Variants in USP31 observed in about 807,000 individuals in gnomAD.
USP31 encodes ubiquitin specific peptidase 31.
A neutral mutation model predicts 119.4 loss-of-function variants in USP31; 44 were observed. That is an observed-to-expected ratio of 0.37 (90% CI 0.29 to 0.47). The LOEUF is 0.47. USP31 is among the 20% of genes least tolerant of loss of function. USP31 has a pLI of 0.99. For missense variants in USP31, 1,643 were observed against 1,730.2 expected, an observed-to-expected ratio of 0.95 and a Z score of 0.89; for synonymous variants, 749 against 705.6, an observed-to-expected ratio of 1.06 and a Z score of -0.97.
Position 23,105,494 on chromosome 16 carries a change from C to A in USP31, c.1036G>T (p.Val346Phe), listed in dbSNP as rs758732959. Reference sequence around the variant, plus strand: ...GACACTGCTTCCCGAAGTCTGGCGACAGTCCCAGACAGAGGTACGGCCACA... The same window carrying A: ...GACACTGCTTCCCGAAGTCTGGCGAAAGTCCCAGACAGAGGTACGGCCACA... ...IGVAVPLSGT[V>F]ARLREAVSME... The change falls in exon 5 of 16, where the codon GTC (valine) becomes TTC (phenylalanine). Residue 346 changes from valine to phenylalanine, a missense_variant. Physicochemically the swap from Val to Phe is conservative, Grantham distance 50 (BLOSUM62 -1). This residue lies in a region of USP31 where 144 missense variants were observed against 218.0 expected (regional missense o/e 0.66). Transcript: ENST00000219689. 1 of 1,614,140 alleles carries A rather than the reference C, an allele frequency of 6.2e-7. No homozygotes were observed. The highest frequency in any genetic ancestry group is 8.5e-7 in the Non-Finnish European group (1 of 1,180,022).
intron 6 of USP31, among the ~76,000 whole-genome samples, chr16:23,101,784 C>T (rs1038903861): frequency 6.6e-6 from 1 of 151,958 alleles, no homozygotes; most frequent in Non-Finnish European, 1.5e-5. Flanking sequence ...ACTCCAGGCA[C>T]AGTGGGGAGA....
At position 23,149,342 on chromosome 16, in the gene USP31, T is replaced by G; in HGVS notation, c.-72A>C. 1 of 997,244 alleles carries G rather than the reference T, an allele frequency of 1.0e-6. No individual in the cohort carries two copies. The highest frequency in any genetic ancestry group is 4.6e-5 in the South Asian group (1 of 21,874). 61.8% of individuals were successfully genotyped at this position (997,244 alleles called of 1,614,324 possible). A position where few individuals can be genotyped will look rare whatever the true frequency, so the allele number is the denominator to read the frequency against. Reference sequence around the variant, plus strand: ...CGGCCCCGCCACGGCCGCCGCCGCATCCCGCAGCGCCGCGCCTCACCGGGC... The same window carrying G: ...CGGCCCCGCCACGGCCGCCGCCGCAGCCCGCAGCGCCGCGCCTCACCGGGC... On this transcript the variant is annotated 5_prime_UTR_variant, in exon 1 of 16. It removes an upstream start codon present in the reference 5' UTR. Transcript: ENST00000219689.
chr16:23,090,316 G>A (rs1378227803), intron 7 of USP31, among the ~76,000 whole-genome samples: 2 of 152,060 alleles, frequency 1.3e-5, no homozygotes, highest in Non-Finnish European at 1.5e-5. Context: ...AACCTGGGAG[G>A]CAGAGGTTGC....
chr16:23,121,492 G>T (rs1902668004), intron 1 of USP31, among the ~76,000 whole-genome samples: 1 of 152,182 alleles, frequency 6.6e-6, no homozygotes, highest in Admixed American at 6.5e-5. Context: ...ATTCTAGTCA[G>T]TTCAGGCCTT....
At position 23,069,217 on chromosome 16, in the gene USP31, A is replaced by G. The variant is rs143157517; in HGVS notation, c.2888T>C (p.Val963Ala). ...TGCTGAATGTTTGCTCTGTGTATCT[A>G]CGACACTGGAGTTCAATCTGCGGGT... is the stretch of plus-strand genomic sequence containing the variant. ...SDTRRLNSSV[V>A]DTQSKHSAQG... is the part of the protein sequence containing the mutation. The change falls in exon 16 of 16, where the codon GTA becomes GCA. Residue 963 changes from valine to alanine, a missense_variant. Val to Ala is a moderately conservative substitution (Grantham distance 64, BLOSUM62 0). Transcript: ENST00000219689. 637 of 1,614,214 alleles carry G rather than the reference A, an allele frequency of 3.9e-4. 1 individual carries two copies. The highest frequency in any genetic ancestry group is 4.9e-4 in the Non-Finnish European group (580 of 1,180,040).
rs761022449 is a variant in USP31, at chr16:23,149,025, G to A, written c.246C>T (p.Gly82=). The part of the protein sequence containing the change: ...LSTLSHLSSE[G]AAPDRGGLRS... ...GGAGGCCGCCGCGGTCTGGGGCGGC[G>A]CCCTCAGAGCTAAGGTGCGAGAGCG... The change falls in exon 1 of 16, where the codon GGC becomes GGT. Residue 82 remains glycine (G), a synonymous_variant. Coordinates refer to ENST00000219689, the MANE Select transcript of USP31 (RefSeq NM_020718.4). The A allele has an allele frequency of 7.7e-6, 9 of 1,171,284 alleles. No homozygotes were observed. Among genetic ancestry groups the A allele is most frequent in the Middle Eastern group, 3.3e-4 (1 of 3,038 alleles). The allele number at this position is 1,171,284 out of a possible 1,614,324, so 72.6% of individuals were successfully genotyped here. A position where few individuals can be genotyped will look rare whatever the true frequency, so the allele number is the denominator to read the frequency against.
chr16:23,096,487 C>A (rs1290509363), intron 6 of USP31, among the ~76,000 whole-genome samples: 2 of 152,106 alleles, frequency 1.3e-5, no homozygotes, highest in Non-Finnish European at 2.9e-5. Context: ...CTGCACCAAG[C>A]AGACCTAATA....
chr16:23,087,065 G>T, intron 9 of USP31, 27 bp downstream of exon 9: 1 of 1,555,194 alleles, frequency 6.4e-7, no homozygotes, highest in East Asian at 2.3e-5. Context: ...GATTCTAAAA[G>T]GTAATTTAAA....
chr16:23,105,399 C>T (rs1902053144), intron 5 of USP31, 42 bp downstream of exon 5: 3 of 1,512,482 alleles, frequency 2.0e-6, no homozygotes, highest in Non-Finnish European at 2.7e-6. Flanking sequence ...GAAAGCAATA[C>T]TTTTGTGGCT....
intron 1 of USP31, among the ~76,000 whole-genome samples, chr16:23,128,776 C>T (rs1159790377): frequency 2.0e-5 from 3 of 152,002 alleles, no homozygotes; most frequent in Non-Finnish European, 4.4e-5. Context: ...TTTATAACAC[C>T]ACGACAGAAA....
At position 23,072,035 on chromosome 16, in the gene USP31, C is replaced by T; in HGVS notation, c.2488+10G>A. On this transcript the variant is annotated intron_variant, in intron 15 of 15. Coordinates refer to ENST00000219689, the MANE Select transcript of USP31 (RefSeq NM_020718.4). ...CATTCTGGAAATTTGTCACCAAAAC[C>T]CACACCCACCATCATCTTCACTCCT... The T allele has an allele frequency of 6.2e-7, 1 of 1,605,706 alleles. No individual in the cohort carries two copies. The highest frequency in any genetic ancestry group is 8.5e-7 in the Non-Finnish European group (1 of 1,174,652).
At position 23,065,322 on chromosome 16, in the gene USP31, T is replaced by TAAAAAAAAAAAAAA. The variant is rs575145264; in HGVS notation, c.*2710_*2723dup. The TAAAAAAAAAAAAAA allele has an allele frequency of 9.2e-6, 1 of 108,850 alleles. No individual in the cohort carries two copies. Among genetic ancestry groups the TAAAAAAAAAAAAAA allele is most frequent in the Non-Finnish European group, 2.0e-5 (1 of 51,044 alleles). 6.7% of individuals were successfully genotyped at this position (108,850 alleles called of 1,614,324 possible). A position where few individuals can be genotyped will look rare whatever the true frequency, so the allele number is the denominator to read the frequency against. ...TTGTGCTAAATATTGCTGGGAAAAT[T>TAAAAAAAAAAAAAA]AAAAAAAAAAAAAAAAAGAAAAGAA... is the stretch of plus-strand genomic sequence containing the variant. On this transcript the variant is annotated 3_prime_UTR_variant, in exon 16 of 16. Transcript: ENST00000219689.
rs907896208 is a variant in USP31 at position 23,069,221 on chromosome 16, C to T, written c.2884G>A (p.Val962Ile). ...ESDTRRLNSSVVDTQSKHSAQ... is the reference protein window; with the variant it reads ...ESDTRRLNSSIVDTQSKHSAQ... The stretch of plus-strand genomic sequence containing the variant: ...GAATGTTTGCTCTGTGTATCTACGA[C>T]ACTGGAGTTCAATCTGCGGGTGTCC... Residue 962 changes from valine (V) to isoleucine (I), a missense_variant, in exon 16 of 16, where the codon GTC becomes ATC. This residue lies in a region of USP31 where 699 missense variants were observed against 650.9 expected (regional missense o/e 1.07). Transcript: ENST00000219689. The T allele has an allele frequency of 1.9e-6, 3 of 1,614,250 alleles. No homozygotes were observed. The highest frequency in any genetic ancestry group is 2.5e-6 in the Non-Finnish European group (3 of 1,180,050).
intron 7 of USP31, among the ~76,000 whole-genome samples, chr16:23,088,434 G>A (rs953262841): frequency 9.9e-5 from 15 of 152,154 alleles, no homozygotes; most frequent in Admixed American, 9.2e-4. Context: ...AATCAGTCTG[G>A]AATATGATCT....
intron 6 of USP31, among the ~76,000 whole-genome samples, chr16:23,098,083 C>G (rs1295819099): frequency 6.6e-6 from 1 of 152,180 alleles, no homozygotes; most frequent in African/African-American, 2.4e-5. Context: ...CCCATCGTCT[C>G]AGCCCAAAAT....
At chr16:23,141,169 C>G (rs1903340818) in intron 1 of USP31, among the ~76,000 whole-genome samples, 1 of 152,224 alleles carries the variant, frequency 6.6e-6, no homozygotes, top group South Asian at 2.1e-4. Context: ...ACAAGGCAGA[C>G]TCGGCCTCTG....
chr16:23,127,798 T>C (rs1204654928), intron 1 of USP31, among the ~76,000 whole-genome samples: 1 of 152,118 alleles, frequency 6.6e-6, no homozygotes, highest in Non-Finnish European at 1.5e-5. Context: ...ATATTAACTA[T>C]ATATCCAGTG....
chr16:23,066,219 A>G lies in USP31; in HGVS notation c.*1827T>C, dbSNP rs1272495097. On this transcript the variant is annotated 3_prime_UTR_variant, in exon 16 of 16. Coordinates refer to ENST00000219689, the MANE Select transcript of USP31 (RefSeq NM_020718.4). Reference sequence around the variant, plus strand: ...ACAACAGGCTCACAGTCAATGAATCACATGGAGCACTGTGGTAACTTTCAC... The same window carrying G: ...ACAACAGGCTCACAGTCAATGAATCGCATGGAGCACTGTGGTAACTTTCAC... The G allele has an allele frequency of 6.6e-6, 1 of 152,600 alleles. No homozygotes were observed. The highest frequency in any genetic ancestry group is 2.1e-4 in the South Asian group (1 of 4,832). 9.5% of individuals were successfully genotyped at this position (152,600 alleles called of 1,614,324 possible). A position where few individuals can be genotyped will look rare whatever the true frequency, so the allele number is the denominator to read the frequency against.
chr16:23,093,775 A>G (rs377169737), intron 6 of USP31, among the ~76,000 whole-genome samples: 9 of 152,362 alleles, frequency 5.9e-5, no homozygotes, highest in African/African-American at 2.2e-4. Context: ...GGTAGGAAAA[A>G]AACAAATGCC....
Sources: gnomAD v4.1 joint callset for allele counts (sites outside exome capture counted in the v4.1 genomes callset) on GRCh38, gnomAD v4.1.1 for gene constraint, gnomAD v4.1.1 regional missense constraint, MANE v1.5 for transcripts, NCBI Gene and HGNC (gene_info 2026-07-23, HGNC 2026-07-21) for gene names.